Variants in ANKS1B observed in about 807,000 individuals in gnomAD.
ANKS1B encodes the protein ankyrin repeat and sterile alpha motif domain containing 1B.
ANKS1B carries 36 observed loss-of-function variants against 148.3 expected under a neutral mutation model. The ratio of observed to expected loss-of-function variants is 0.24; its 90% CI spans 0.19 to 0.32. The LOEUF (loss-of-function observed/expected upper bound fraction) is 0.32, where lower values mean the gene tolerates loss of function less well. ANKS1B is among the 10% of genes least tolerant of loss of function. The pLI is 1.00. For synonymous variants in ANKS1B, 542 were observed against 560.8 expected (o/e 0.97, Z 0.47); for missense variants, 1,157 against 1,542.6 (o/e 0.75, Z 4.19).
chr12:99,259,154 A>G (rs1474798024), intron 12 of ANKS1B, among the ~76,000 whole-genome samples: 2 of 152,160 alleles, frequency 1.3e-5, no homozygotes, highest in Non-Finnish European at 2.9e-5. Context: ...CTCCTATGGC[A>G]TCAGTACAAT....
chr12:99,227,249 C>A (rs776652268), intron 14 of ANKS1B, among the ~76,000 whole-genome samples: 1 of 152,142 alleles, frequency 6.6e-6, no homozygotes, highest in African/African-American at 2.4e-5. Flanking sequence ...TACCTCCCCC[C>A]TCTCTCGCTT....
intron 14 of ANKS1B, among the ~76,000 whole-genome samples, chr12:99,160,614 C>T (rs954317651): frequency 6.6e-6 from 1 of 151,866 alleles, no homozygotes; most frequent in Non-Finnish European, 1.5e-5. Flanking sequence ...TCCCAAAGTG[C>T]TGGGATTACA....
rs2098414259 is a variant in ANKS1B at position 99,650,778 on chromosome 12, C to A, written c.1272+4289G>T. Among the ~76,000 whole-genome samples, 3 of 152,042 alleles carry A rather than the reference C, an allele frequency of 2.0e-5. No homozygotes were observed. In the South Asian group the frequency reaches 6.2e-4, roughly 31 times the overall value. On this transcript the variant is annotated intron_variant, in intron 9 of 26. Transcript: ENST00000683438. ...ATGTAATATAGGATCAATTCATAAT[C>A]TGGACAAAAACTGGAAATTAGATCA...
intron 9 of ANKS1B, among the ~76,000 whole-genome samples, chr12:99,556,746 T>C (rs1005037993): frequency 1.1e-4 from 16 of 152,194 alleles, no homozygotes; most frequent in African/African-American, 3.9e-4. Context: ...CATGTAATTG[T>C]ACAGTTTTGA....
chr12:98,745,918 G>T, intron 26 of ANKS1B, 69 bp from the exon 27 acceptor site: 3 of 1,528,854 alleles, frequency 2.0e-6, no homozygotes, highest in Middle Eastern at 1.9e-4. Flanking sequence ...CGCGGACGCC[G>T]CTGGCGAACC....
At chr12:99,482,724 C>T (rs932613071) in intron 10 of ANKS1B, among the ~76,000 whole-genome samples, 6 of 151,858 alleles carry the variant, frequency 4.0e-5, no homozygotes, top group Non-Finnish European at 7.4e-5. Flanking sequence ...AGATCTTTCA[C>T]CTTCTTGGTT....
intron 9 of ANKS1B, among the ~76,000 whole-genome samples, chr12:99,548,552 T>C (rs901193113): frequency 6.6e-6 from 1 of 152,128 alleles, no homozygotes; most frequent in Non-Finnish European, 1.5e-5. Context: ...TAATAATATA[T>C]TATTTCAGAT....
chr12:99,208,796 T>C (rs909976449), intron 14 of ANKS1B, among the ~76,000 whole-genome samples: 2 of 152,198 alleles, frequency 1.3e-5, no homozygotes, highest in Non-Finnish European at 2.9e-5. Flanking sequence ...GAAACATTAC[T>C]TGTTATTTTA....
chr12:99,270,060 C>T (rs112064218), intron 12 of ANKS1B, among the ~76,000 whole-genome samples: 10 of 152,202 alleles, frequency 6.6e-5, no homozygotes, highest in African/African-American at 2.2e-4. Context: ...AACAGAGTCC[C>T]TTGATTAACA....
intron 12 of ANKS1B, among the ~76,000 whole-genome samples, chr12:99,275,059 A>AT (rs1210875014): frequency 6.6e-6 from 1 of 152,138 alleles, no homozygotes; most frequent in Non-Finnish European, 1.5e-5. Flanking sequence ...TTATTTTAAA[A>AT]TTTTTGTGGG....
At chr12:99,515,279 C>G (rs530329289) in intron 9 of ANKS1B, among the ~76,000 whole-genome samples, 3 of 152,070 alleles carry the variant, frequency 2.0e-5, no homozygotes, top group African/African-American at 7.2e-5. Flanking sequence ...TTCTTTCTAA[C>G]TATGTTTTGA....
chr12:99,956,059 C>T (rs1223527070), intron 1 of ANKS1B, among the ~76,000 whole-genome samples: 1 of 151,880 alleles, frequency 6.6e-6, no homozygotes, highest in Non-Finnish European at 1.5e-5. Context: ...CAGATGGATT[C>T]CCTGAGGTCA....
At chr12:99,691,260 C>G (rs1014122870) in intron 8 of ANKS1B, among the ~76,000 whole-genome samples, 1 of 152,212 alleles carries the variant, frequency 6.6e-6, no homozygotes, top group South Asian at 2.1e-4. Flanking sequence ...CTTCTATGAA[C>G]GTCTCTGATA....
intron 15 of ANKS1B, among the ~76,000 whole-genome samples, chr12:99,098,958 G>C (rs2057171884): frequency 6.6e-6 from 1 of 152,068 alleles, no homozygotes; most frequent in African/African-American, 2.4e-5. Context: ...GGACAACGGA[G>C]CATGCGCTGG....
At chr12:99,477,730 A>G (rs868344363) in intron 10 of ANKS1B, among the ~76,000 whole-genome samples, 3 of 152,192 alleles carry the variant, frequency 2.0e-5, no homozygotes, top group South Asian at 2.1e-4. Context: ...AAGGTATACA[A>G]ACATTTATCA....
chr12:99,695,411 T>C (rs2053736321), intron 8 of ANKS1B, among the ~76,000 whole-genome samples: 1 of 152,214 alleles, frequency 6.6e-6, no homozygotes, highest in Non-Finnish European at 1.5e-5. Context: ...AACGTAGTGG[T>C]AGTCATCAGT....
intron 12 of ANKS1B, among the ~76,000 whole-genome samples, chr12:99,395,840 G>C (rs1050606886): frequency 6.6e-6 from 1 of 152,038 alleles, no homozygotes; most frequent in Non-Finnish European, 1.5e-5. Flanking sequence ...AGATGTATTA[G>C]TCTTTGTTCT....
At chr12:99,431,935 T>A (rs978546200) in intron 11 of ANKS1B, among the ~76,000 whole-genome samples, 11 of 152,264 alleles carry the variant, frequency 7.2e-5, no homozygotes, top group Non-Finnish European at 1.6e-4. Context: ...AGAGGACAGA[T>A]CTCTCATGAA....
intron 15 of ANKS1B, among the ~76,000 whole-genome samples, chr12:99,122,614 C>T (rs1351792572): frequency 2.6e-5 from 4 of 152,140 alleles, no homozygotes; most frequent in African/African-American, 4.8e-5. Context: ...AAATACATGT[C>T]TAATCAATTC....
Sources: gnomAD v4.1 joint callset for allele counts (sites outside exome capture counted in the v4.1 genomes callset) on GRCh38, gnomAD v4.1.1 for gene constraint, MANE v1.5 for transcripts, NCBI Gene and HGNC (gene_info 2026-07-23, HGNC 2026-07-21) for gene names.